The following ZCWPW2 variants were observed in gnomAD, a reference collection of about 807,000 sequenced individuals.
ZCWPW2 encodes zinc finger CW-type and PWWP domain containing 2.
A neutral mutation model predicts 46.6 loss-of-function variants in ZCWPW2; 45 were observed. That is an observed-to-expected ratio of 0.96 (90% CI 0.76 to 1.24). ZCWPW2 has a LOEUF of 1.24. Ranked by LOEUF, ZCWPW2 falls within the 50% of genes most tolerant of loss-of-function variation. The probability of loss-of-function intolerance (pLI) is 0.00; values close to 1 mark genes in which losing one functional copy is unlikely to be tolerated. For missense variants in ZCWPW2, 429 were observed against 403.9 expected, an observed-to-expected ratio of 1.06 and a Z score of -0.53; for synonymous variants, 152 against 137.1, an observed-to-expected ratio of 1.11 and a Z score of -0.76.
chr3:28,411,652 A>C (rs1696403650), intron 2 of ZCWPW2, among the ~76,000 whole-genome samples: 1 of 152,080 alleles, frequency 6.6e-6, no homozygotes, highest in Admixed American at 6.6e-5. Context: ...CCTGGCTCCA[A>C]AGTCTAACCT....
intron 6 of ZCWPW2, among the ~76,000 whole-genome samples, chr3:28,495,181 C>T (rs1699946174): frequency 6.6e-6 from 1 of 152,052 alleles, no homozygotes; most frequent in Admixed American, 6.6e-5. Flanking sequence ...TCAAACTATA[C>T]TACAAGGCTA....
chr3:28,454,000 A>AG (rs1698334662), intron 4 of ZCWPW2, among the ~76,000 whole-genome samples: 3 of 150,870 alleles, frequency 2.0e-5, no homozygotes, highest in Non-Finnish European at 4.4e-5. Flanking sequence ...ACCCGCCACC[A>AG]CGCCCGGCTA....
At chr3:28,522,730 T>C (rs1340159292) in intron 9 of ZCWPW2, among the ~76,000 whole-genome samples, 1 of 152,148 alleles carries the variant, frequency 6.6e-6, no homozygotes, top group African/African-American at 2.4e-5. Flanking sequence ...TGAATGTTCA[T>C]GGGTTGTAAA....
chr3:28,506,508 A>G (rs746024011), intron 6 of ZCWPW2, among the ~76,000 whole-genome samples: 3 of 152,100 alleles, frequency 2.0e-5, no homozygotes, highest in African/African-American at 4.8e-5. Flanking sequence ...TAAATATTAC[A>G]GTATCTACCT....
intron 1 of ZCWPW2, among the ~76,000 whole-genome samples, chr3:28,385,678 T>C (rs1255441839): frequency 6.6e-6 from 1 of 152,210 alleles, no homozygotes; most frequent in Non-Finnish European, 1.5e-5. Context: ...CTGTAGGCTC[T>C]GGGCCATAGT....
At chr3:28,431,540 A>G (rs1244871686) in intron 3 of ZCWPW2, among the ~76,000 whole-genome samples, 5 of 152,102 alleles carry the variant, frequency 3.3e-5, no homozygotes, top group African/African-American at 1.2e-4. Context: ...GCCTACCCTA[A>G]TGAACTCATT....
At chr3:28,406,668 CG>C (rs1696173781) in intron 2 of ZCWPW2, among the ~76,000 whole-genome samples, 1 of 151,938 alleles carries the variant, frequency 6.6e-6, no homozygotes. Context: ...ATAATAAGGT[CG>C]ATTAACCTAA....
chr3:28,500,834 C>A (rs1395688166), intron 6 of ZCWPW2, among the ~76,000 whole-genome samples: 2 of 152,132 alleles, frequency 1.3e-5, no homozygotes, highest in Non-Finnish European at 2.9e-5. Context: ...ATTCCTACTG[C>A]TGGGTTCTAG....
chr3:28,450,464 C>T (rs902247437), intron 4 of ZCWPW2, among the ~76,000 whole-genome samples: 1 of 152,122 alleles, frequency 6.6e-6, no homozygotes, highest in African/African-American at 2.4e-5. Context: ...GTTGATCAAC[C>T]AGCTTGTAGG....
chr3:28,366,934 G>C (rs1004822300), intron 1 of ZCWPW2, among the ~76,000 whole-genome samples: 5 of 152,156 alleles, frequency 3.3e-5, no homozygotes, highest in African/African-American at 1.2e-4. Flanking sequence ...TTTGTGTAGA[G>C]GTGTTTATAG....
intron 6 of ZCWPW2, among the ~76,000 whole-genome samples, chr3:28,502,482 T>C (rs987517359): frequency 5.3e-5 from 8 of 152,172 alleles, no homozygotes; most frequent in Non-Finnish European, 1.2e-4. Context: ...AACTGCCTAC[T>C]TGTGGTTTTC....
intron 4 of ZCWPW2, among the ~76,000 whole-genome samples, chr3:28,445,929 CAAAA>C (rs1186146801): frequency 6.6e-6 from 1 of 151,826 alleles, no homozygotes; most frequent in South Asian, 2.1e-4. Context: ...TTACAAGAAA[CAAAA>C]GAAAGATATT....
intron 4 of ZCWPW2, among the ~76,000 whole-genome samples, chr3:28,467,124 T>C (rs1698852970): frequency 1.3e-5 from 2 of 152,130 alleles, no homozygotes; most frequent in Admixed American, 6.5e-5. Flanking sequence ...TACTTGAAAG[T>C]ATAGTTAATG....
intron 6 of ZCWPW2, among the ~76,000 whole-genome samples, chr3:28,512,677 C>G (rs951898326): frequency 6.6e-5 from 10 of 152,064 alleles, no homozygotes; most frequent in African/African-American, 2.2e-4. Context: ...ATCAAATCTA[C>G]CTTCCAGAAT....
At chr3:28,365,191 C>G (rs1297601397) in intron 1 of ZCWPW2, among the ~76,000 whole-genome samples, 1 of 149,026 alleles carries the variant, frequency 6.7e-6, no homozygotes, top group African/African-American at 2.4e-5. Flanking sequence ...GTTGCCATTG[C>G]TTTTGGTGTT....
intron 4 of ZCWPW2, among the ~76,000 whole-genome samples, chr3:28,437,032 A>G (rs1315840705): frequency 3.3e-5 from 5 of 152,168 alleles, no homozygotes; most frequent in African/African-American, 7.2e-5. Flanking sequence ...GAGCTCCTAT[A>G]TCCTCAAATG....
chr3:28,479,007 C>A, intron 5 of ZCWPW2, 76 bp downstream of exon 5: 1 of 950,466 alleles, frequency 1.1e-6, no homozygotes, highest in Non-Finnish European at 1.6e-6. Flanking sequence ...TATGTTTGCT[C>A]ATTCAAAAAT....
chr3:28,379,040 A>G (rs1170439553), intron 1 of ZCWPW2, among the ~76,000 whole-genome samples: 7 of 152,180 alleles, frequency 4.6e-5, no homozygotes, highest in African/African-American at 1.7e-4. Flanking sequence ...ATGTGCTTCC[A>G]TAGTATTCTA....
intron 6 of ZCWPW2, among the ~76,000 whole-genome samples, chr3:28,493,099 T>A (rs1046305409): frequency 6.7e-6 from 1 of 148,696 alleles, no homozygotes; most frequent in Non-Finnish European, 1.5e-5. Context: ...GCTTTTCTTT[T>A]TTTTTTTTTT....
Sources: allele counts gnomAD v4.1 joint callset (sites outside exome capture counted in the v4.1 genomes callset), GRCh38; gene constraint gnomAD v4.1.1; transcripts MANE v1.5; gene names NCBI Gene and HGNC (gene_info 2026-07-23, HGNC 2026-07-21).